GPR157: variants seen among roughly 807,000 people sequenced by gnomAD.
The protein encoded by GPR157 is G-protein coupled receptor 157.
In GPR157, 16 loss-of-function variants were observed where a neutral mutation model predicts 23.5. The observed-to-expected ratio is 0.68, with a 90% CI of 0.46 to 1.04. GPR157 has a LOEUF of 1.04. GPR157 is among the 50% of genes least tolerant of loss of function. The pLI, the probability that GPR157 is intolerant of heterozygous loss-of-function variation, is 0.00. For missense variants in GPR157, 440 were observed against 460.7 expected, an observed-to-expected ratio of 0.96 and a Z score of 0.41; for synonymous variants, 200 against 221.5, an observed-to-expected ratio of 0.90 and a Z score of 0.86.
intron 1 of GPR157, among the ~76,000 whole-genome samples, chr1:9,113,716 G>A (rs975648127): frequency 6.6e-6 from 1 of 151,720 alleles, no homozygotes; most frequent in African/African-American, 2.4e-5. Flanking sequence ...GGCCAAGGTG[G>A]GCAGAACACT....
chr1:9,127,363 G>A (rs1638982259), intron 1 of GPR157, among the ~76,000 whole-genome samples: 1 of 152,140 alleles, frequency 6.6e-6, no homozygotes. Flanking sequence ...AAGACAAGAA[G>A]GGAAAGAGAA....
At position 9,105,264 on chromosome 1, in the gene GPR157, T is replaced by C. The variant is rs1013287251; in HGVS notation, c.792+222A>G. ...TCTCCTAGGGCTACTCCTAGGTCAC[T>C]GGTGAGCACCTCACCACCCCGGACC... On this transcript the variant is annotated intron_variant, in intron 3 of 3. Transcript: ENST00000377411. The surrounding 1 kb of genome is among the most constrained non-coding windows in gnomAD (Gnocchi z 4.8). 3.9e-5 allele frequency among the ~76,000 whole-genome samples: 6 copies of C among 152,104 alleles called. No individual in the cohort carries two copies. Among genetic ancestry groups the C allele is most frequent in the Admixed American group, 2.6e-4 (4 of 15,266 alleles).
rs1361424628 is a variant in GPR157 at position 9,103,688 on chromosome 1, G to C, written c.*731C>G. 1 of 152,274 alleles carries C rather than the reference G, an allele frequency of 6.6e-6. No homozygotes were observed. Among genetic ancestry groups the C allele is most frequent in the East Asian group, 1.9e-4 (1 of 5,196 alleles). The allele number at this position is 152,274 out of a possible 1,614,324, so 9.4% of individuals were successfully genotyped here. ...CTTTGGAATTGGAAGGAGGGAACCT[G>C]TGTCTGAAGTGATTGACAGGTGGGG... On this transcript the variant is annotated 3_prime_UTR_variant, in exon 4 of 4. Coordinates refer to ENST00000377411, the MANE Select transcript of GPR157 (RefSeq NM_024980.5).
chr1:9,128,523 A>T lies in GPR157; in HGVS notation c.383+122T>A. 1 of 940,826 alleles carries T rather than the reference A, an allele frequency of 1.1e-6. No individual in the cohort carries two copies. The highest frequency in any genetic ancestry group is 1.6e-6 in the Non-Finnish European group (1 of 610,284). 58.3% of individuals were successfully genotyped at this position (940,826 alleles called of 1,614,324 possible). A position where few individuals can be genotyped will look rare whatever the true frequency, so the allele number is the denominator to read the frequency against. Reference sequence around the variant, plus strand: ...GGCCCAGGACAGCCTCGGGGGCGCCAGCAGGCACTGCTTGCTGTGGGTAGG... The same window carrying T: ...GGCCCAGGACAGCCTCGGGGGCGCCTGCAGGCACTGCTTGCTGTGGGTAGG... On this transcript the variant is annotated intron_variant, in intron 1 of 3. Coordinates refer to ENST00000377411, the MANE Select transcript of GPR157 (RefSeq NM_024980.5). The surrounding 1 kb of genome is among the most constrained non-coding windows in gnomAD (Gnocchi z 6.3).
chr1:9,113,062 C>T (rs541810821), intron 1 of GPR157, among the ~76,000 whole-genome samples: 12 of 152,202 alleles, frequency 7.9e-5, no homozygotes, highest in Non-Finnish European at 1.5e-4. Flanking sequence ...GTGTCATTGT[C>T]GGGTCGTTAT....
chr1:9,115,632 C>T (rs1357661388), intron 1 of GPR157, among the ~76,000 whole-genome samples: 2 of 152,066 alleles, frequency 1.3e-5, no homozygotes, highest in Non-Finnish European at 2.9e-5. Flanking sequence ...TGTTTCTGCT[C>T]CATGATCCTG....
At chr1:9,125,059 T>G (rs1456859657) in intron 1 of GPR157, among the ~76,000 whole-genome samples, 1 of 152,120 alleles carries the variant, frequency 6.6e-6, no homozygotes, top group East Asian at 1.9e-4. Context: ...TATTATTTCT[T>G]GACCTGCCGA....
chr1:9,123,286 AAATTAATATAT>A (rs1638855278), intron 1 of GPR157, among the ~76,000 whole-genome samples: 4 of 29,128 alleles, frequency 1.4e-4, no homozygotes, highest in African/African-American at 4.1e-4. Flanking sequence ...ATATATATTT[AAATTAATATAT>A]ATTTAATTTA....
At chr1:9,110,250 C>T (rs200304505) in intron 2 of GPR157, among the ~76,000 whole-genome samples, 4 of 152,188 alleles carry the variant, frequency 2.6e-5, no homozygotes, top group East Asian at 3.8e-4. Flanking sequence ...AGGCCGGGCG[C>T]GGTGGCTCAC....
At position 9,118,453 on chromosome 1, in the gene GPR157, G is replaced by A. The variant is rs1336902928; in HGVS notation, c.384-6964C>T. ...GGAGGAAGCCCGGGACAGCCACCTC[G>A]TGTGTAACTCTGATTGGCAGGGGCA... On this transcript the variant is annotated intron_variant, in intron 1 of 3. Coordinates refer to ENST00000377411, the MANE Select transcript of GPR157 (RefSeq NM_024980.5). The surrounding 1 kb of genome is among the most constrained non-coding windows in gnomAD (Gnocchi z 4.6). Among the ~76,000 whole-genome samples, 2 of 152,144 alleles carry A rather than the reference G, an allele frequency of 1.3e-5. No individual in the cohort carries two copies. The highest frequency in any genetic ancestry group is 2.4e-5 in the African/African-American group (1 of 41,434).
chr1:9,116,987 C>T lies in GPR157; in HGVS notation c.384-5498G>A, dbSNP rs775385079. 2.0e-5 allele frequency among the ~76,000 whole-genome samples: 3 copies of T among 151,974 alleles called. No individual in the cohort carries two copies. In the South Asian group the frequency reaches 6.2e-4, roughly 31 times the overall value. ...AACTCCTGGCTTCAAGTTATCTTCT[C>T]GCCCTGGCCTCTCAAAGTGCTGGGA... is the stretch of plus-strand genomic sequence containing the variant. On this transcript the variant is annotated intron_variant, in intron 1 of 3. Transcript: ENST00000377411.
At chr1:9,122,372 C>T (rs916873262) in intron 1 of GPR157, among the ~76,000 whole-genome samples, 8 of 152,294 alleles carry the variant, frequency 5.3e-5, no homozygotes, top group Admixed American at 4.6e-4. Flanking sequence ...CCAAAAAATT[C>T]AAAATGCTGT....
At chr1:9,116,638 G>A (rs1277369446) in intron 1 of GPR157, among the ~76,000 whole-genome samples, 1 of 150,578 alleles carries the variant, frequency 6.6e-6, no homozygotes, top group African/African-American at 2.4e-5. Flanking sequence ...AGCTACTCAG[G>A]AGGCTAAGGC....
intron 1 of GPR157, among the ~76,000 whole-genome samples, chr1:9,117,638 T>C (rs1231592768): frequency 6.6e-6 from 1 of 152,164 alleles, no homozygotes; most frequent in African/African-American, 2.4e-5. Flanking sequence ...GGTGGGCACC[T>C]GTAATCCCAG....
At chr1:9,127,839 C>T (rs1033636410) in intron 1 of GPR157, among the ~76,000 whole-genome samples, 25 of 152,292 alleles carry the variant, frequency 1.6e-4, no homozygotes, top group Admixed American at 9.1e-4. Context: ...GGATTCCTGC[C>T]CTCAGTTCAG....
intron 2 of GPR157, among the ~76,000 whole-genome samples, chr1:9,109,687 C>A (rs987540923): frequency 6.6e-6 from 1 of 152,190 alleles, no homozygotes; most frequent in Non-Finnish European, 1.5e-5. Context: ...AGCTACTGCA[C>A]CCAGTCCAAA....
chr1:9,123,586 A>AAAATATAT (rs1328661719), intron 1 of GPR157, among the ~76,000 whole-genome samples: 38 of 112,658 alleles, frequency 3.4e-4, no homozygotes, highest in Admixed American at 4.5e-4. Context: ...ATATATATTT[A>AAAATATAT]ATATTAATGT....
At chr1:9,109,335 G>A (rs1318472060) in intron 2 of GPR157, among the ~76,000 whole-genome samples, 4 of 151,870 alleles carry the variant, frequency 2.6e-5, no homozygotes, top group South Asian at 2.1e-4. Flanking sequence ...TACCTGCCTC[G>A]GCCTCCCAAA....
Position 9,103,021 on chromosome 1 carries a change from TC to T in GPR157, c.*1397del, listed in dbSNP as rs898231285. ...TCAAATCCCTGGGCTCAAGGGATCC[TC>T]CCGTCTCAGCCTCCTGAGTAGTAGG... On this transcript the variant is annotated 3_prime_UTR_variant, in exon 4 of 4. Transcript: ENST00000377411. 1.5e-5 allele frequency: 2 copies of T among 137,326 alleles called. No homozygotes were observed. Among genetic ancestry groups the T allele is most frequent in the African/African-American group, 5.6e-5 (2 of 35,962 alleles). The allele number at this position is 137,326 out of a possible 1,614,324, so 8.5% of individuals were successfully genotyped here.
Sources: allele counts gnomAD v4.1 joint callset (sites outside exome capture counted in the v4.1 genomes callset), GRCh38; gene constraint gnomAD v4.1.1; non-coding constraint Gnocchi (gnomAD v3.1); transcripts MANE v1.5; gene names NCBI Gene and HGNC (gene_info 2026-07-23, HGNC 2026-07-21).